Variants in LINGO2 observed in about 807,000 individuals in gnomAD.
The protein encoded by LINGO2 is leucine rich repeat and Ig domain containing 2.
LINGO2 carries 14 observed loss-of-function variants against 30.6 expected under a neutral mutation model. The observed-to-expected ratio is 0.46, with a 90% CI of 0.30 to 0.72. The LOEUF (loss-of-function observed/expected upper bound fraction) is 0.72. Ranked by LOEUF, LINGO2 falls within the 30% of genes least tolerant of loss-of-function variation. The pLI is 0.07. For missense variants in LINGO2, 729 were observed against 751.7 expected (o/e 0.97, Z 0.35); for synonymous variants, 317 against 288.5 (o/e 1.10, Z -1.00).
At chr9:28,524,517 G>A (rs1387431593) in intron 1 of LINGO2, among the ~76,000 whole-genome samples, 1 of 150,678 alleles carries the variant, frequency 6.6e-6, no homozygotes, top group African/African-American at 2.4e-5. Context: ...CACTTTGGGA[G>A]GCTGAGGCCG....
the LINGO2 span, among the ~76,000 whole-genome samples, chr9:28,754,635 CTT>C: frequency 1.1e-4 from 16 of 143,402 alleles, no homozygotes; most frequent in Admixed American, 2.1e-4. Context: ...TGTTTCTGTC[CTT>C]TTTTTTTTTT....
the LINGO2 span, among the ~76,000 whole-genome samples, chr9:28,910,334 T>G: frequency 1.3e-5 from 2 of 151,994 alleles, no homozygotes; most frequent in Admixed American, 1.3e-4. Flanking sequence ...TCAATAAATA[T>G]GACTATATGT....
rs374650039 is a variant in LINGO2 at position 28,200,996 on chromosome 9, CT to C, written c.-87+94211del. ...TTAATTACTGGGCTGACAGATTCAG[CT>C]TTTTTTTTTTTTCTTCTATTGCCTC... On this transcript the variant is annotated intron_variant, in intron 4 of 5. Transcript: ENST00000379992. 1.0e-2 allele frequency among the ~76,000 whole-genome samples: 1,441 copies of C among 144,124 alleles called. 15 individuals carry two copies. Among genetic ancestry groups the C allele is most frequent in the African/African-American group, 0.024 (961 of 39,690 alleles). 94.6% of individuals were successfully genotyped at this position (144,124 alleles called of 152,430 possible). A position where few individuals can be genotyped will look rare whatever the true frequency, so the allele number is the denominator to read the frequency against.
intron 1 of LINGO2, among the ~76,000 whole-genome samples, chr9:28,498,530 AC>A (rs1333036014): frequency 6.6e-6 from 1 of 151,986 alleles, no homozygotes; most frequent in Non-Finnish European, 1.5e-5. Flanking sequence ...GGTGGGAGTT[AC>A]CCCATTTTCC....
the LINGO2 span, among the ~76,000 whole-genome samples, chr9:28,810,013 GC>G: frequency 6.6e-6 from 1 of 151,976 alleles, no homozygotes; most frequent in African/African-American, 2.4e-5. Context: ...TAAAATCTTT[GC>G]TTTGGCATCT....
chr9:28,467,666 T>C (rs1825368768), intron 2 of LINGO2, among the ~76,000 whole-genome samples: 1 of 152,054 alleles, frequency 6.6e-6, no homozygotes, highest in Admixed American at 6.5e-5. Context: ...ATTATTATTT[T>C]TTATTATTTT....
chr9:28,058,266 C>A (rs1341915808), intron 4 of LINGO2, among the ~76,000 whole-genome samples: 1 of 152,084 alleles, frequency 6.6e-6, no homozygotes, highest in African/African-American at 2.4e-5. Context: ...AATACAATAA[C>A]TGGTATGCCA....
chr9:29,188,422 C>G, the LINGO2 span, among the ~76,000 whole-genome samples: 1 of 152,214 alleles, frequency 6.6e-6, no homozygotes, highest in Non-Finnish European at 1.5e-5. Flanking sequence ...CTACTTCTCC[C>G]TACACAGACA....
chr9:27,991,049 T>C (rs1821373441), intron 5 of LINGO2, among the ~76,000 whole-genome samples: 1 of 151,940 alleles, frequency 6.6e-6, no homozygotes, highest in East Asian at 1.9e-4. Flanking sequence ...ACAGACCTTA[T>C]ACTATACCGA....
intron 4 of LINGO2, among the ~76,000 whole-genome samples, chr9:28,099,208 G>A (rs1587845722): frequency 6.6e-6 from 1 of 152,006 alleles, no homozygotes; most frequent in Non-Finnish European, 1.5e-5. Flanking sequence ...AAAAGCCATA[G>A]CCCCTATTGT....
chr9:28,708,795 A>G, the LINGO2 span, among the ~76,000 whole-genome samples: 2 of 150,914 alleles, frequency 1.3e-5, no homozygotes, highest in Admixed American at 1.3e-4. Flanking sequence ...CTATCCATCT[A>G]TTATTGTCTG....
At chr9:28,051,246 C>CTA (rs1378543536) in intron 4 of LINGO2, among the ~76,000 whole-genome samples, 2 of 140,908 alleles carry the variant, frequency 1.4e-5, no homozygotes, top group African/African-American at 5.5e-5. Context: ...AGACTGAAAA[C>CTA]TATCAGAAAG....
the LINGO2 span, among the ~76,000 whole-genome samples, chr9:29,008,822 A>G: frequency 1.3e-5 from 2 of 152,152 alleles, no homozygotes; most frequent in African/African-American, 4.8e-5. Flanking sequence ...CACATCAAAA[A>G]GCTTATCCAC....
chr9:28,880,275 T>C, the LINGO2 span, among the ~76,000 whole-genome samples: 1 of 152,132 alleles, frequency 6.6e-6, no homozygotes, highest in Non-Finnish European at 1.5e-5. Context: ...AGAGACTCCA[T>C]TTTGAAAAAG....
At chr9:28,181,913 A>C (rs1819350866) in intron 4 of LINGO2, among the ~76,000 whole-genome samples, 1 of 152,168 alleles carries the variant, frequency 6.6e-6, no homozygotes, top group Non-Finnish European at 1.5e-5. Flanking sequence ...ATTCAATGCT[A>C]TTTCCATGAA....
At chr9:28,144,337 C>A (rs910006036) in intron 4 of LINGO2, among the ~76,000 whole-genome samples, 16 of 152,202 alleles carry the variant, frequency 1.1e-4, no homozygotes, top group Admixed American at 4.6e-4. Flanking sequence ...AAACTACAAT[C>A]CCTTAGGATT....
chr9:28,987,951 T>C, the LINGO2 span, among the ~76,000 whole-genome samples: 4 of 152,150 alleles, frequency 2.6e-5, no homozygotes, highest in East Asian at 7.7e-4. Context: ...TGCCTTATCA[T>C]GTGATCTACC....
chr9:28,540,285 T>C (rs1821629679), intron 1 of LINGO2, among the ~76,000 whole-genome samples: 1 of 151,554 alleles, frequency 6.6e-6, no homozygotes, highest in South Asian at 2.1e-4. Flanking sequence ...TCCCTCTCTC[T>C]CTCTCTCTCT....
At chr9:28,894,954 C>G in the LINGO2 span, among the ~76,000 whole-genome samples, 1 of 151,964 alleles carries the variant, frequency 6.6e-6, no homozygotes, top group Admixed American at 6.6e-5. Flanking sequence ...AAACTTATTC[C>G]TCCTAACTGA....
Sources: allele counts gnomAD v4.1 joint callset (sites outside exome capture counted in the v4.1 genomes callset), GRCh38; gene constraint gnomAD v4.1.1; transcripts MANE v1.5; gene names NCBI Gene and HGNC (gene_info 2026-07-23, HGNC 2026-07-21).